The following DNAAF1 variants were observed in gnomAD, a reference collection of about 807,000 sequenced individuals.
The protein encoded by DNAAF1 is dynein axonemal assembly factor 1, also known as dynein assembly factor 1, axonemal.
Under a neutral mutation model 71.1 loss-of-function variants are expected in DNAAF1, and 65 were observed. The observed-to-expected ratio is 0.91, with a 90% confidence interval of 0.75 to 1.12. The LOEUF (loss-of-function observed/expected upper bound fraction) is 1.12, where lower values mean the gene tolerates loss of function less well. Ranked by LOEUF, DNAAF1 falls within the 50% of genes most tolerant of loss-of-function variation. DNAAF1 has a pLI of 0.00. For synonymous variants in DNAAF1, 414 were observed against 354.6 expected, an observed-to-expected ratio of 1.17 and a Z score of -1.88; for missense variants, 1,178 against 899.8, an observed-to-expected ratio of 1.31 and a Z score of -3.96.
chr16:84,156,296 CTCTG>C (rs2087424617), intron 5 of DNAAF1, among the ~76,000 whole-genome samples: 1 of 152,216 alleles, frequency 6.6e-6, no homozygotes, highest in Non-Finnish European at 1.5e-5. Context: ...AAACCAGGTC[CTCTG>C]TCTGGTGTTA....
rs138571254 is a variant in DNAAF1 at position 84,176,487 on chromosome 16, G to A, written c.2065+188G>A. ...CACGGGTCTGAAGCTGCCACTTGCT[G>A]GTAGCCAGCCTGGGCCAGGAAGCCA... On this transcript the variant is annotated intron_variant, in intron 11 of 11. Coordinates refer to ENST00000378553, the MANE Select transcript of DNAAF1 (RefSeq NM_178452.6). The A allele has an allele frequency of 2.1e-5, 20 of 936,494 alleles. No individual in the cohort carries two copies. In the East Asian group the frequency reaches 5.3e-4, roughly 25 times the overall value. 58.0% of individuals were successfully genotyped at this position (936,494 alleles called of 1,614,324 possible). A position where few individuals can be genotyped will look rare whatever the true frequency, so the allele number is the denominator to read the frequency against.
chr16:84,174,310 T>TA (rs1567567422), intron 9 of DNAAF1: 1 of 1,170,432 alleles, frequency 8.5e-7, no homozygotes, highest in Non-Finnish European at 1.1e-6. Context: ...TTATACCACA[T>TA]AGAGTTTTCG....
At chr16:84,175,559 GAC>G (rs1461521811) in intron 10 of DNAAF1, 7 of 286,338 alleles carry the variant, frequency 2.4e-5, no homozygotes, top group African/African-American at 4.4e-5. Flanking sequence ...AAAGAAAACA[GAC>G]ACAGTTACTG....
At chr16:84,177,485 C>T (rs1370106665) in intron 11 of DNAAF1, 9 of 430,818 alleles carry the variant, frequency 2.1e-5, no homozygotes, top group Non-Finnish European at 4.0e-5. Context: ...CCTGCCACCA[C>T]GCCCAGCTAA....
At chr16:84,172,924 G>A (rs938459459) in intron 9 of DNAAF1, 1 of 1,006,976 alleles carries the variant, frequency 9.9e-7, no homozygotes, top group East Asian at 9.5e-5. Context: ...CTTCCCTGAA[G>A]CTCTTCCCAT....
At chr16:84,151,296 G>T (rs1197326805) in intron 3 of DNAAF1, among the ~76,000 whole-genome samples, 1 of 152,156 alleles carries the variant, frequency 6.6e-6, no homozygotes, top group Non-Finnish European at 1.5e-5. Context: ...TGTCCTGGGG[G>T]ATGGGAGCAG....
chr16:84,156,285 G>C (rs779773112), intron 5 of DNAAF1, among the ~76,000 whole-genome samples: 2 of 152,200 alleles, frequency 1.3e-5, no homozygotes, highest in Admixed American at 6.5e-5. Context: ...ATTTTTCAAG[G>C]AAACCAGGTC....
chr16:84,163,955 C>A (rs2087844374), intron 6 of DNAAF1, among the ~76,000 whole-genome samples: 1 of 151,906 alleles, frequency 6.6e-6, no homozygotes, highest in Non-Finnish European at 1.5e-5. Context: ...CAGGTGTGCA[C>A]CACCATGCCT....
intron 3 of DNAAF1, among the ~76,000 whole-genome samples, chr16:84,151,390 A>G (rs1050222499): frequency 9.2e-5 from 14 of 152,116 alleles, no homozygotes; most frequent in Admixed American, 2.0e-4. Context: ...AACGACTCCT[A>G]TGGGTCTCCT....
intron 10 of DNAAF1, chr16:84,175,375 A>C (rs2088596876): frequency 5.6e-6 from 1 of 179,760 alleles, no homozygotes; most frequent in African/African-American, 2.4e-5. Flanking sequence ...AAAACAGGAG[A>C]GGGGAAAGAA....
At position 84,154,620 on chromosome 16, in the gene DNAAF1, C is replaced by T. The variant is rs759955343; in HGVS notation, c.396C>T (p.Arg132=). The T allele has an allele frequency of 4.3e-6, 7 of 1,614,198 alleles. 1 individual carries two copies. In the South Asian group the frequency reaches 7.7e-5, roughly 18 times the overall value. Residue 132 remains arginine (R), a synonymous_variant, in exon 4 of 12, where the codon CGC becomes CGT. Transcript: ENST00000378553. ...ACCTGGAAGAGTACACAGGGCTGCG[C>T]TGTCTCTGGCTGCAGAGCAATGGAA... ...IENLEEYTGL[R]CLWLQSNGIQ...
chr16:84,155,233 C>A (rs889576583), intron 4 of DNAAF1, among the ~76,000 whole-genome samples: 20 of 150,882 alleles, frequency 1.3e-4, no homozygotes, highest in African/African-American at 4.6e-4. Context: ...TTTTGTTTTG[C>A]TTTGCTTCTT....
intron 6 of DNAAF1, among the ~76,000 whole-genome samples, chr16:84,164,855 G>C (rs1247635830): frequency 1.3e-5 from 2 of 152,218 alleles, no homozygotes; most frequent in Non-Finnish European, 2.9e-5. Flanking sequence ...ATTTTCCAAA[G>C]TGGCTGTACC....
chr16:84,159,045 A>G, intron 5 of DNAAF1: 2 of 987,970 alleles, frequency 2.0e-6, no homozygotes, highest in Non-Finnish European at 1.2e-6. Flanking sequence ...TAAGCATTAA[A>G]CTTCTTTGAG....
rs752094853 is a variant in DNAAF1 at position 84,172,288 on chromosome 16, G to A, written c.1557G>A (p.Glu519=). Residue 519 remains glutamate (E), a synonymous_variant, in exon 9 of 12, where the codon GAG becomes GAA. Coordinates refer to ENST00000378553, the MANE Select transcript of DNAAF1 (RefSeq NM_178452.6). ...CGACTCCCCAGGCTGTGGCCACTGA[G>A]GGTGTATTCGTTACAGAACTTGATG... The part of the protein sequence containing the change: ...EEPTPQAVAT[E]GVFVTELDGT... The A allele has an allele frequency of 1.9e-6, 3 of 1,614,064 alleles. No homozygotes were observed. The highest frequency in any genetic ancestry group is 2.5e-6 in the Non-Finnish European group (3 of 1,180,042).
At chr16:84,147,890 A>T (rs534534384) in intron 1 of DNAAF1, among the ~76,000 whole-genome samples, 5 of 152,186 alleles carry the variant, frequency 3.3e-5, no homozygotes, top group Non-Finnish European at 7.4e-5. Flanking sequence ...ACATGGGGAA[A>T]CCCCGTCTCT....
intron 5 of DNAAF1, among the ~76,000 whole-genome samples, chr16:84,156,528 A>C (rs1371942030): frequency 2.6e-5 from 4 of 152,078 alleles, no homozygotes; most frequent in Admixed American, 6.6e-5. Context: ...TTTAAGATTC[A>C]CTAGTGGGTT....
Position 84,155,591 on chromosome 16 carries a change from C to A in DNAAF1, c.583C>A (p.Pro195Thr). 1 of 1,614,114 alleles carries A rather than the reference C, an allele frequency of 6.2e-7. No individual in the cohort carries two copies. ...IKTIENLSCL[P>T]VLNTLQMAHN... is the part of the protein sequence containing the mutation. ...CTGACCTTACCTTCCAGCCTGCCTCCCAGTCCTGAACACATTGCAGATGGC... is the reference window on the plus strand; with the variant it reads ...CTGACCTTACCTTCCAGCCTGCCTCACAGTCCTGAACACATTGCAGATGGC... The change falls in exon 5 of 12, where the codon CCA becomes ACA. Residue 195 changes from proline to threonine, a missense_variant. Transcript: ENST00000378553.
intron 5 of DNAAF1, among the ~76,000 whole-genome samples, chr16:84,158,185 A>G (rs989619783): frequency 2.6e-5 from 4 of 152,158 alleles, no homozygotes; most frequent in East Asian, 1.9e-4. Flanking sequence ...AGCCTGGGAG[A>G]CAGGCAGAGT....
Sources: allele counts gnomAD v4.1 joint callset (sites outside exome capture counted in the v4.1 genomes callset), GRCh38; gene constraint gnomAD v4.1.1; transcripts MANE v1.5; gene names NCBI Gene and HGNC (gene_info 2026-07-23, HGNC 2026-07-21).